Variants in FGFR1 observed in about 807,000 individuals in gnomAD.
FGFR1 encodes the protein FGFR1/PLAG1 fusion.
Under a neutral mutation model 93.7 loss-of-function variants are expected in FGFR1, and 18 were observed. The ratio of observed to expected loss-of-function variants is 0.19; its 90% CI spans 0.13 to 0.28. The LOEUF is 0.28. Among genes scored for constraint, FGFR1 ranks in the 10% least tolerant of loss-of-function variants. The pLI is 1.00. For missense variants in FGFR1, 731 were observed against 1,080.4 expected (o/e 0.68, Z 4.53); for synonymous variants, 448 against 429.3 (o/e 1.04, Z -0.54).
intron 2 of FGFR1, among the ~76,000 whole-genome samples, chr8:38,452,958 AGAGT>A (rs1424753098): frequency 5.9e-5 from 9 of 152,320 alleles, no homozygotes; most frequent in East Asian, 3.9e-4. Flanking sequence ...GCCTCGCGAC[AGAGT>A]GAGACTCCGT....
At chr8:38,422,662 A>C (rs1266401360) in intron 7 of FGFR1, 4 of 298,704 alleles carry the variant, frequency 1.3e-5, no homozygotes, top group Non-Finnish European at 2.5e-5. Flanking sequence ...TCAGCCTCCC[A>C]AAGTGCTGGG....
At chr8:38,416,569 C>A (rs1486943715) in intron 12 of FGFR1, among the ~76,000 whole-genome samples, 7 of 149,720 alleles carry the variant, frequency 4.7e-5, no homozygotes, top group African/African-American at 1.7e-4. Flanking sequence ...GATTCTCCTG[C>A]CACAGCCTCC....
rs1230569367 is a variant in FGFR1, at chr8:38,457,366, C to A, written c.81G>T (p.Leu27Phe). Residue 27 changes from leucine (L) to phenylalanine (F), a missense_variant, in exon 2 of 18, where the codon TTG becomes TTT. Transcript: ENST00000447712. ...TLCTARPSPT[L>F]PEQAQPWGAP... The stretch of plus-strand genomic sequence containing the variant: ...CAGCCAGCACCTTACCTTGTTCAGG[C>A]AAGGTCGGGGACGGCCTAGCGGTGC... 9.9e-6 allele frequency: 16 copies of A among 1,613,050 alleles called. No homozygotes were observed. Among genetic ancestry groups the A allele is most frequent in the East Asian group, 2.2e-5 (1 of 44,884 alleles).
In FGFR1 at chr8:38,426,992, A is replaced by G. The variant is rs1375387972; in HGVS notation, c.622-747T>C. 6.6e-6 allele frequency among the ~76,000 whole-genome samples: 1 copy of G among 151,936 alleles called. No individual in the cohort carries two copies. Among genetic ancestry groups the G allele is most frequent in the Non-Finnish European group, 1.5e-5 (1 of 67,990 alleles). ...GCTGGGAATGGTGGCTGCACATCCC[A>G]GGTACTCGGGAGGCTGAGGCAGGAG... On this transcript the variant is annotated intron_variant, in intron 5 of 17. Transcript: ENST00000447712. This position sits in a 1 kb window ranked among gnomAD's most constrained non-coding sequence, Gnocchi z 4.1.
chr8:38,464,349 C>T (rs1245690904), intron 1 of FGFR1, among the ~76,000 whole-genome samples: 2 of 140,024 alleles, frequency 1.4e-5, no homozygotes, highest in East Asian at 4.3e-4. Context: ...ACAAGTGAAA[C>T]ACGAACTGCT....
At chr8:38,437,948 A>G (rs1825997495) in intron 2 of FGFR1, among the ~76,000 whole-genome samples, 1 of 152,232 alleles carries the variant, frequency 6.6e-6, no homozygotes, top group Non-Finnish European at 1.5e-5. Flanking sequence ...GTGAAGAATA[A>G]CAACACATTT....
At chr8:38,449,372 G>C (rs1011409305) in intron 2 of FGFR1, among the ~76,000 whole-genome samples, 2 of 152,110 alleles carry the variant, frequency 1.3e-5, no homozygotes, top group African/African-American at 4.8e-5. Flanking sequence ...TGCTTGACTA[G>C]ATGAATGAAT....
chr8:38,467,035 T>G (rs1835720119), intron 1 of FGFR1, among the ~76,000 whole-genome samples: 1 of 151,630 alleles, frequency 6.6e-6, no homozygotes, highest in Non-Finnish European at 1.5e-5. Context: ...ACCCCAAACA[T>G]AACGGTAGGG....
At chr8:38,420,076 C>T (rs1818162529) in intron 8 of FGFR1, 2 of 345,048 alleles carry the variant, frequency 5.8e-6, no homozygotes, top group Admixed American at 4.0e-5. Flanking sequence ...TGAGAAGTCA[C>T]TTCTATGTGC....
In FGFR1 at chr8:38,467,298, C is replaced by T. The variant is rs148270774; in HGVS notation, c.-89+683G>A. 2.8e-3 allele frequency among the ~76,000 whole-genome samples: 419 copies of T among 151,780 alleles called. 3 individuals are homozygous for T. The highest frequency in any genetic ancestry group is 9.9e-3 in the African/African-American group (410 of 41,418). On this transcript the variant is annotated intron_variant, in intron 1 of 17. Transcript: ENST00000447712. ...CTGGAAAGGGGAGTCGTTTTTCGCT[C>T]TCAGCTCAAGCAGATTCAGCCATTT... is the stretch of plus-strand genomic sequence containing the variant.
At chr8:38,456,394 G>T (rs558819755) in intron 2 of FGFR1, among the ~76,000 whole-genome samples, 282 of 152,278 alleles carry the variant, frequency 1.9e-3, no homozygotes, top group African/African-American at 6.3e-3. Context: ...TGTTACCGAT[G>T]ATGGCTCTGA....
intron 2 of FGFR1, among the ~76,000 whole-genome samples, chr8:38,445,051 G>A (rs1324910544): frequency 6.6e-6 from 1 of 152,120 alleles, no homozygotes; most frequent in Admixed American, 6.5e-5. Flanking sequence ...ACTGTAAAAT[G>A]AGAAGGCTGA....
At chr8:38,422,313 G>T (rs1367626996) in intron 7 of FGFR1, 2 of 449,526 alleles carry the variant, frequency 4.4e-6, no homozygotes, top group Admixed American at 3.4e-5. Flanking sequence ...GAGGGATGGC[G>T]GGGGCTGCAG....
At chr8:38,439,393 C>T (rs532926654) in intron 2 of FGFR1, among the ~76,000 whole-genome samples, 17 of 152,302 alleles carry the variant, frequency 1.1e-4, no homozygotes, top group African/African-American at 2.6e-4. Context: ...CTTCTCTTCT[C>T]GAGCCCCTCA....
chr8:38,411,720 G>A lies in FGFR1; in HGVS notation c.*1908C>T, dbSNP rs1253347354. On this transcript the variant is annotated 3_prime_UTR_variant, in exon 18 of 18. Coordinates refer to ENST00000447712, the MANE Select transcript of FGFR1 (RefSeq NM_023110.3). Reference sequence around the variant, plus strand: ...ACGGGGGAGCCAGAATCCACTTAGTGAGGACAGTGATGACCAGCAGGTGGC... The same window carrying A: ...ACGGGGGAGCCAGAATCCACTTAGTAAGGACAGTGATGACCAGCAGGTGGC... 8.6e-6 allele frequency: 2 copies of A among 231,232 alleles called. No individual in the cohort carries two copies. Among genetic ancestry groups the A allele is most frequent in the African/African-American group, 4.4e-5 (2 of 45,192 alleles). 14.3% of individuals were successfully genotyped at this position (231,232 alleles called of 1,614,324 possible). A position where few individuals can be genotyped will look rare whatever the true frequency, so the allele number is the denominator to read the frequency against.
At chr8:38,453,903 C>CA (rs1327508197) in intron 2 of FGFR1, among the ~76,000 whole-genome samples, 9 of 151,974 alleles carry the variant, frequency 5.9e-5, no homozygotes, top group African/African-American at 2.2e-4. Flanking sequence ...TAAAACCAAC[C>CA]AACCAACAAA....
intron 7 of FGFR1, chr8:38,423,354 C>G: frequency 1.9e-6 from 1 of 530,246 alleles, no homozygotes; most frequent in African/African-American, 2.0e-5. Flanking sequence ...GTCTCACTCA[C>G]TCTGTCACCC....
Position 38,413,547 on chromosome 8 carries a change from G to A in FGFR1, c.*81C>T, listed in dbSNP as rs925661672. On this transcript the variant is annotated 3_prime_UTR_variant, in exon 18 of 18. Coordinates refer to ENST00000447712, the MANE Select transcript of FGFR1 (RefSeq NM_023110.3). The surrounding 1 kb of genome is among the most constrained non-coding windows in gnomAD (Gnocchi z 4.2). ...TGCCAGCAGGAAAGGGGACAGGGAC[G>A]GACAGGTGGTGGGCCCAGCAGGGGC... 41 of 1,462,974 alleles carry A rather than the reference G, an allele frequency of 2.8e-5. No homozygotes were observed. The highest frequency in any genetic ancestry group is 8.5e-5 in the Admixed American group (4 of 47,126). The allele number at this position is 1,462,974 out of a possible 1,614,324, so 90.6% of individuals were successfully genotyped here.
At chr8:38,421,755 T>C (rs906635090) in intron 8 of FGFR1, 42 bp downstream of exon 8, 2 of 1,606,134 alleles carry the variant, frequency 1.2e-6, no homozygotes, top group Non-Finnish European at 1.7e-6. Context: ...CCCGTGCCCG[T>C]GGCGAGGGCA....
Sources: gnomAD v4.1 joint callset for allele counts (sites outside exome capture counted in the v4.1 genomes callset) on GRCh38, gnomAD v4.1.1 for gene constraint, Gnocchi (gnomAD v3.1) non-coding constraint, MANE v1.5 for transcripts, NCBI Gene and HGNC (gene_info 2026-07-23, HGNC 2026-07-21) for gene names.